The following PHLPP1 variants were observed in gnomAD, a reference collection of about 807,000 sequenced individuals.
PHLPP1 encodes PH domain and leucine rich repeat protein phosphatase 1, also known as PH domain leucine-rich repeat-containing protein phosphatase 1.
In PHLPP1, 42 loss-of-function variants were observed where a neutral mutation model predicts 117.2. The observed-to-expected ratio is 0.36, with a 90% CI of 0.28 to 0.46. The LOEUF (loss-of-function observed/expected upper bound fraction) is 0.46. Among genes scored for constraint, PHLPP1 ranks in the 20% least tolerant of loss-of-function variants. The pLI is 1.00. For synonymous variants in PHLPP1, 1,042 were observed against 970.7 expected (o/e 1.07, Z -1.37); for missense variants, 2,084 against 2,241.9 (o/e 0.93, Z 1.42).
At position 62,964,734 on chromosome 18, in the gene PHLPP1, T is replaced by A. The variant is rs1020332800; in HGVS notation, c.3560+1262T>A. Among the ~76,000 whole-genome samples the A allele has an allele frequency of 5.3e-5, 8 of 152,208 alleles. No individual in the cohort carries two copies. In the East Asian group the frequency reaches 5.8e-4, roughly 11 times the overall value. ...ACTCAGAGTTTCTTTCTGGAGATCA[T>A]TACTTTTTAGATCAAAGGATCTTTT... On this transcript the variant is annotated intron_variant, in intron 14 of 16. Coordinates refer to ENST00000262719, the MANE Select transcript of PHLPP1 (RefSeq NM_194449.4).
At chr18:62,917,783 C>T (rs944333570) in intron 9 of PHLPP1, among the ~76,000 whole-genome samples, 3 of 151,652 alleles carry the variant, frequency 2.0e-5, no homozygotes, top group African/African-American at 7.3e-5. Context: ...CACTGCACTC[C>T]AGCCTGGGCA....
At chr18:62,875,719 C>CT (rs34493677) in intron 4 of PHLPP1, among the ~76,000 whole-genome samples, 13 of 149,150 alleles carry the variant, frequency 8.7e-5, no homozygotes, top group Middle Eastern at 3.4e-3. Context: ...TTTGTAGCAA[C>CT]TTTTTTTTTT....
chr18:62,727,120 C>T (rs1043671935), intron 1 of PHLPP1, among the ~76,000 whole-genome samples: 6 of 149,742 alleles, frequency 4.0e-5, no homozygotes, highest in Non-Finnish European at 5.9e-5. Flanking sequence ...CCCAGCTACT[C>T]GGGAGGCTGA....
chr18:62,917,105 T>C (rs1909306663), intron 9 of PHLPP1, among the ~76,000 whole-genome samples: 1 of 150,780 alleles, frequency 6.6e-6, no homozygotes, highest in Non-Finnish European at 1.5e-5. Flanking sequence ...ATCCCACAGA[T>C]AGCACATTGG....
chr18:62,874,691 A>G (rs79500060), intron 4 of PHLPP1, among the ~76,000 whole-genome samples: 1 of 127,434 alleles, frequency 7.8e-6, no homozygotes, highest in South Asian at 2.5e-4. Flanking sequence ...ACACACACAC[A>G]CTCTCGCTCT....
chr18:62,826,269 T>C (rs1383975615), intron 1 of PHLPP1: 3 of 425,028 alleles, frequency 7.1e-6, no homozygotes, highest in African/African-American at 6.1e-5. Context: ...AAATCCTGAA[T>C]TCATGAATGT....
chr18:62,943,527 TG>T (rs1222474624), intron 11 of PHLPP1, among the ~76,000 whole-genome samples: 2 of 152,224 alleles, frequency 1.3e-5, no homozygotes, highest in African/African-American at 2.4e-5. Flanking sequence ...ACACAAGGGC[TG>T]GCATCTGCTT....
chr18:62,874,710 C>G (rs961730227), intron 4 of PHLPP1, among the ~76,000 whole-genome samples: 12 of 152,118 alleles, frequency 7.9e-5, no homozygotes, highest in Non-Finnish European at 4.4e-5. Flanking sequence ...CTCTGTCTCT[C>G]TCTGTCTCTC....
chr18:62,932,681 A>G (rs929034411), intron 10 of PHLPP1, among the ~76,000 whole-genome samples: 3 of 152,194 alleles, frequency 2.0e-5, no homozygotes, highest in African/African-American at 7.2e-5. Context: ...GCAAAAGTTG[A>G]AAGTGTTCCC....
At chr18:62,724,010 CTG>C (rs756972146) in intron 1 of PHLPP1, among the ~76,000 whole-genome samples, 2 of 152,136 alleles carry the variant, frequency 1.3e-5, no homozygotes, top group Non-Finnish European at 2.9e-5. Context: ...GGGCTTAAAA[CTG>C]TCAAATCCCC....
intron 4 of PHLPP1, among the ~76,000 whole-genome samples, chr18:62,864,700 G>T (rs1278599146): frequency 6.6e-6 from 1 of 152,186 alleles, no homozygotes; most frequent in African/African-American, 2.4e-5. Flanking sequence ...AGTTGTTGTG[G>T]AACCAAGCTG....
intron 1 of PHLPP1, among the ~76,000 whole-genome samples, chr18:62,725,517 A>G (rs898833647): frequency 5.9e-5 from 9 of 152,170 alleles, no homozygotes; most frequent in African/African-American, 2.2e-4. Context: ...TTTCTGTGAC[A>G]TAATTGAAAC....
chr18:62,793,043 T>C (rs7242673), intron 1 of PHLPP1, among the ~76,000 whole-genome samples: 30,695 of 151,368 alleles, frequency 0.2, 4,429 homozygotes, highest in African/African-American at 0.41. Context: ...GGCATGGTGG[T>C]GCATGCCTGT....
intron 1 of PHLPP1, among the ~76,000 whole-genome samples, chr18:62,752,246 C>T (rs1332684059): frequency 6.6e-6 from 1 of 152,116 alleles, no homozygotes; most frequent in East Asian, 1.9e-4. Context: ...CTGTCCAGGC[C>T]CCCCGCGCCC....
intron 1 of PHLPP1, among the ~76,000 whole-genome samples, chr18:62,814,718 A>G (rs1470651626): frequency 6.6e-6 from 1 of 151,432 alleles, no homozygotes; most frequent in Non-Finnish European, 1.5e-5. Context: ...GAGTACTTTC[A>G]CTCTCTTACA....
chr18:62,876,803 A>G (rs1047027454), intron 4 of PHLPP1, among the ~76,000 whole-genome samples: 1 of 152,234 alleles, frequency 6.6e-6, no homozygotes, highest in African/African-American at 2.4e-5. Context: ...AGGCTGTGGT[A>G]TAAATTGAGT....
Position 62,716,643 on chromosome 18 carries a change from C to A in PHLPP1, c.960C>A (p.Pro320=). Residue 320 remains proline, a synonymous_variant, in exon 1 of 17, where the codon CCC becomes CCA. Coordinates refer to ENST00000262719, the MANE Select transcript of PHLPP1 (RefSeq NM_194449.4). The surrounding 1 kb of genome is among the most constrained non-coding windows in gnomAD (Gnocchi z 5.7). ...GGWSRRASPA[P]SDSSPGEPFV... ...GGTCGCGCCGCGCCAGCCCAGCGCC[C>A]TCGGACTCCAGCCCCGGCGAGCCGT... The A allele has an allele frequency of 7.1e-7, 1 of 1,406,788 alleles. No homozygotes were observed. The allele number at this position is 1,406,788 out of a possible 1,614,324, so 87.1% of individuals were successfully genotyped here. A position where few individuals can be genotyped will look rare whatever the true frequency, so the allele number is the denominator to read the frequency against.
intron 1 of PHLPP1, among the ~76,000 whole-genome samples, chr18:62,800,074 G>C (rs972208391): frequency 6.6e-6 from 1 of 152,176 alleles, no homozygotes; most frequent in Admixed American, 6.5e-5. Flanking sequence ...CCTTTAGCTA[G>C]AGCTGACTGC....
chr18:62,882,053 G>A (rs1270643120), intron 4 of PHLPP1, among the ~76,000 whole-genome samples: 4 of 152,260 alleles, frequency 2.6e-5, no homozygotes, highest in Admixed American at 2.6e-4. Flanking sequence ...CCTCTCTCAT[G>A]CATTTTAGAA....
Sources: allele counts gnomAD v4.1 joint callset (sites outside exome capture counted in the v4.1 genomes callset), GRCh38; gene constraint gnomAD v4.1.1; non-coding constraint Gnocchi (gnomAD v3.1); transcripts MANE v1.5; gene names NCBI Gene and HGNC (gene_info 2026-07-23, HGNC 2026-07-21).